RERE: variants seen among roughly 807,000 people sequenced by gnomAD.
The protein encoded by RERE is arginine-glutamic acid dipeptide repeats protein.
RERE carries 40 observed loss-of-function variants against 146.1 expected under a neutral mutation model. The ratio of observed to expected loss-of-function variants is 0.27; its 90% CI spans 0.21 to 0.36. The LOEUF (loss-of-function observed/expected upper bound fraction) is 0.36, where lower values mean the gene tolerates loss of function less well. Among genes scored for constraint, RERE ranks in the 10% least tolerant of loss-of-function variants. The probability of loss-of-function intolerance (pLI) is 1.00; values close to 1 mark genes in which losing one functional copy is unlikely to be tolerated. For missense variants in RERE, 1,933 were observed against 2,138.7 expected, an observed-to-expected ratio of 0.90 and a Z score of 1.90; for synonymous variants, 1,003 against 866.0, an observed-to-expected ratio of 1.16 and a Z score of -2.78.
chr1:8,690,951 G>A (rs988301286), intron 1 of RERE, among the ~76,000 whole-genome samples: 1 of 152,166 alleles, frequency 6.6e-6, no homozygotes, highest in South Asian at 2.1e-4. Context: ...AGGCTGGAAT[G>A]CAGTGGTGCA....
chr1:8,392,643 C>T (rs1266292855), intron 12 of RERE, among the ~76,000 whole-genome samples: 1 of 152,176 alleles, frequency 6.6e-6, no homozygotes, highest in African/African-American at 2.4e-5. Context: ...GCATAACTCA[C>T]ACTAGCAGTA....
intron 1 of RERE, among the ~76,000 whole-genome samples, chr1:8,677,709 A>C (rs1638875829): frequency 6.6e-6 from 1 of 152,160 alleles, no homozygotes; most frequent in Non-Finnish European, 1.5e-5. Context: ...CTCTGTCTAG[A>C]CTTCAGTTTC....
chr1:8,407,589 C>G (rs1409946453), intron 12 of RERE, among the ~76,000 whole-genome samples: 1 of 151,968 alleles, frequency 6.6e-6, no homozygotes, highest in Non-Finnish European at 1.5e-5. Flanking sequence ...ATCCCCACCC[C>G]ATGACCTGGA....
At chr1:8,470,071 G>A (rs904300208) in intron 10 of RERE, among the ~76,000 whole-genome samples, 6 of 151,980 alleles carry the variant, frequency 3.9e-5, no homozygotes, top group Admixed American at 3.3e-4. Flanking sequence ...ATATAATGGC[G>A]GATTCTCTCC....
chr1:8,697,256 G>A (rs1569571588), intron 1 of RERE, among the ~76,000 whole-genome samples: 1 of 152,136 alleles, frequency 6.6e-6, no homozygotes, highest in South Asian at 2.1e-4. Flanking sequence ...GAAGGTAACA[G>A]TAAGAAATAA....
chr1:8,420,903 C>T (rs1164311101), intron 12 of RERE, among the ~76,000 whole-genome samples: 2 of 152,076 alleles, frequency 1.3e-5, no homozygotes, highest in Admixed American at 1.3e-4. Flanking sequence ...TATTTATTTA[C>T]GGAGTCACAC....
intron 11 of RERE, chr1:8,425,224 T>C (rs1237133172): frequency 6.6e-6 from 1 of 152,260 alleles, no homozygotes; most frequent in Non-Finnish European, 1.5e-5. Flanking sequence ...TCTTCAAGTA[T>C]TCAGGTATTT....
intron 4 of RERE, among the ~76,000 whole-genome samples, chr1:8,571,637 CCTTT>C (rs1195867834): frequency 1.3e-5 from 2 of 152,190 alleles, no homozygotes; most frequent in African/African-American, 4.8e-5. Flanking sequence ...TTCTTCTCTT[CCTTT>C]AACTTAAACC....
At chr1:8,435,727 A>C (rs932750565) in intron 11 of RERE, among the ~76,000 whole-genome samples, 3 of 152,214 alleles carry the variant, frequency 2.0e-5, no homozygotes, top group Non-Finnish European at 4.4e-5. Flanking sequence ...AAATGACCTC[A>C]TGTTGTGGTT....
At chr1:8,669,785 G>C (rs577267917) in intron 1 of RERE, among the ~76,000 whole-genome samples, 1 of 152,282 alleles carries the variant, frequency 6.6e-6, no homozygotes, top group South Asian at 2.1e-4. Context: ...GTTTCTTTCA[G>C]TTTGCAAAGC....
At chr1:8,535,704 T>G (rs926844197) in intron 7 of RERE, among the ~76,000 whole-genome samples, 1 of 152,116 alleles carries the variant, frequency 6.6e-6, no homozygotes, top group Non-Finnish European at 1.5e-5. Context: ...CTCCTGAACA[T>G]AATGATAGTA....
At chr1:8,623,921 A>C (rs1195061340) in intron 3 of RERE, among the ~76,000 whole-genome samples, 1 of 152,196 alleles carries the variant, frequency 6.6e-6, no homozygotes, top group African/African-American at 2.4e-5. Context: ...ACAGGTTTCC[A>C]CTGGAAACTA....
At chr1:8,643,978 G>T (rs1288427986) in intron 2 of RERE, among the ~76,000 whole-genome samples, 5 of 152,086 alleles carry the variant, frequency 3.3e-5, no homozygotes, top group Non-Finnish European at 5.9e-5. Context: ...CCTAGCAAAA[G>T]TTGCACATGA....
intron 1 of RERE, among the ~76,000 whole-genome samples, chr1:8,773,512 G>A (rs543795069): frequency 6.6e-6 from 1 of 152,096 alleles, no homozygotes; most frequent in South Asian, 2.1e-4. Flanking sequence ...TGCACAACAT[G>A]GCAAAACCCC....
chr1:8,484,596 T>C (rs1214646209), intron 10 of RERE, among the ~76,000 whole-genome samples: 1 of 152,036 alleles, frequency 6.6e-6, no homozygotes, highest in Non-Finnish European at 1.5e-5. Flanking sequence ...CTAATTTTTG[T>C]AATTTTAGTA....
At chr1:8,495,905 T>C (rs1645038394) in intron 9 of RERE, among the ~76,000 whole-genome samples, 1 of 152,066 alleles carries the variant, frequency 6.6e-6, no homozygotes, top group Admixed American at 6.5e-5. Flanking sequence ...CTGGGTGTGA[T>C]GGCTCATGCC....
intron 1 of RERE, among the ~76,000 whole-genome samples, chr1:8,774,951 C>CTTTCTT (rs1641034952): frequency 4.2e-5 from 2 of 47,946 alleles, no homozygotes; most frequent in African/African-American, 1.4e-4. Flanking sequence ...TTCTTTCTTT[C>CTTTCTT]TTTTTTTTTT....
intron 4 of RERE, among the ~76,000 whole-genome samples, chr1:8,585,651 T>C (rs992520131): frequency 1.3e-5 from 2 of 152,120 alleles, no homozygotes; most frequent in African/African-American, 4.8e-5. Context: ...TAACCAAAAA[T>C]GGGACAATCT....
chr1:8,369,508 T>TTAAAAAAAAAAAAA (rs1285019668), intron 12 of RERE, among the ~76,000 whole-genome samples: 4 of 76,892 alleles, frequency 5.2e-5, no homozygotes, highest in African/African-American at 4.2e-5. Flanking sequence ...CGCCTTTTAC[T>TTAAAAAAAAAAAAA]AAAAAAAAAA....
Sources: allele counts gnomAD v4.1 joint callset (sites outside exome capture counted in the v4.1 genomes callset), GRCh38; gene constraint gnomAD v4.1.1; transcripts MANE v1.5; gene names NCBI Gene and HGNC (gene_info 2026-07-23, HGNC 2026-07-21).